The following LRRN3 variants were observed in gnomAD, a reference collection of about 807,000 sequenced individuals.
The protein encoded by LRRN3 is leucine rich repeat neuronal 3.
Under a neutral mutation model 40.1 loss-of-function variants are expected in LRRN3, and 15 were observed. The observed-to-expected ratio is 0.37, with a 90% CI of 0.25 to 0.58. LRRN3 has a LOEUF of 0.58. LRRN3 is among the 20% of genes least tolerant of loss of function. LRRN3 has a pLI of 0.72. For missense variants in LRRN3, 746 were observed against 837.7 expected (o/e 0.89, Z 1.35); for synonymous variants, 308 against 297.2 (o/e 1.04, Z -0.37).
intron 2 of LRRN3, among the ~76,000 whole-genome samples, chr7:111,114,827 A>G (rs1799681691): frequency 6.6e-6 from 1 of 152,164 alleles, no homozygotes; most frequent in African/African-American, 2.4e-5. Context: ...AAATTATATA[A>G]TAATAGAATT....
chr7:111,103,635 TAA>T (rs1413053998), intron 2 of LRRN3, among the ~76,000 whole-genome samples: 2 of 151,776 alleles, frequency 1.3e-5, no homozygotes, highest in African/African-American at 4.8e-5. Flanking sequence ...CCTGTAAGTT[TAA>T]GTTACAGCAA....
At chr7:111,096,329 C>T (rs572742143) in intron 1 of LRRN3, among the ~76,000 whole-genome samples, 10 of 151,918 alleles carry the variant, frequency 6.6e-5, no homozygotes, top group Admixed American at 2.0e-4. Flanking sequence ...TGGTCCCTGG[C>T]ATTTCTGAAG....
intron 1 of LRRN3, among the ~76,000 whole-genome samples, chr7:111,091,850 A>C (rs2129577967): frequency 6.6e-6 from 1 of 152,020 alleles, no homozygotes; most frequent in South Asian, 2.1e-4. Flanking sequence ...GGGAGAGAGA[A>C]GGAGATGGGG....
At chr7:111,106,482 A>G (rs1374825515) in intron 2 of LRRN3, among the ~76,000 whole-genome samples, 1 of 151,808 alleles carries the variant, frequency 6.6e-6, no homozygotes, top group African/African-American at 2.4e-5. Flanking sequence ...AAATAAAATG[A>G]AAAACAGATA....
chr7:111,103,783 T>G (rs568438895), intron 2 of LRRN3, among the ~76,000 whole-genome samples: 2 of 151,770 alleles, frequency 1.3e-5, no homozygotes, highest in South Asian at 2.1e-4. Context: ...TATTTAATTT[T>G]CACAACATTC....
At chr7:111,119,821 A>G (rs1332838541) in intron 2 of LRRN3, among the ~76,000 whole-genome samples, 1 of 152,170 alleles carries the variant, frequency 6.6e-6, no homozygotes, top group Non-Finnish European at 1.5e-5. Flanking sequence ...TGCCTGGTGA[A>G]GGAAAGGATC....
At chr7:111,105,084 C>A (rs1156490891) in intron 2 of LRRN3, among the ~76,000 whole-genome samples, 1 of 151,832 alleles carries the variant, frequency 6.6e-6, no homozygotes, top group Non-Finnish European at 1.5e-5. Context: ...TATTTCCTTA[C>A]TAAAGGTCTC....
At chr7:111,115,187 C>T (rs999031160) in intron 2 of LRRN3, among the ~76,000 whole-genome samples, 2 of 152,102 alleles carry the variant, frequency 1.3e-5, no homozygotes, top group Admixed American at 6.5e-5. Context: ...ACTCCATTGG[C>T]TCTCAAACAA....
In LRRN3 at chr7:111,125,055, G is replaced by A. The variant is rs1801151245; in HGVS notation, c.*156G>A. On this transcript the variant is annotated 3_prime_UTR_variant, in exon 3 of 3. Coordinates refer to ENST00000308478, the MANE Select transcript of LRRN3 (RefSeq NM_001099658.2). ...TTTAAGCTTCACCAATGCTGCTCCT[G>A]ACCAATGGAAATATGTACAACTTCA... 1 of 579,304 alleles carries A rather than the reference G, an allele frequency of 1.7e-6. No individual in the cohort carries two copies. The highest frequency in any genetic ancestry group is 3.6e-5 in the Admixed American group (1 of 27,468). 35.9% of individuals were successfully genotyped at this position (579,304 alleles called of 1,614,324 possible).
chr7:111,120,396 T>C (rs1191425462), intron 2 of LRRN3, among the ~76,000 whole-genome samples: 2 of 152,004 alleles, frequency 1.3e-5, no homozygotes, highest in South Asian at 4.1e-4. Flanking sequence ...ATTTCCCCTA[T>C]AAAAACATCA....
At chr7:111,119,733 C>T (rs1800353398) in intron 2 of LRRN3, among the ~76,000 whole-genome samples, 1 of 152,124 alleles carries the variant, frequency 6.6e-6, no homozygotes, top group African/African-American at 2.4e-5. Context: ...ATTTCTTGAG[C>T]ACATACTACA....
rs1586427645 is a variant in LRRN3, at chr7:111,122,782, A to T, written c.10A>T (p.Met4Leu). The change falls in exon 3 of 3, where the codon ATG becomes TTG. Residue 4 changes from methionine to leucine, a missense_variant. Physicochemically the swap from Met to Leu is conservative, Grantham distance 15. Coordinates refer to ENST00000308478, the MANE Select transcript of LRRN3 (RefSeq NM_001099658.2). ...GAAGAAGAAAGCTAAGATGAAGGAC[A>T]TGCCACTCCGAATTCATGTGCTACT... MKD[M>L]PLRIHVLLGL... 6.2e-7 allele frequency: 1 copy of T among 1,612,238 alleles called. No individual in the cohort carries two copies. The highest frequency in any genetic ancestry group is 2.2e-5 in the East Asian group (1 of 44,842).
At chr7:111,114,203 T>C (rs991185017) in intron 2 of LRRN3, among the ~76,000 whole-genome samples, 7 of 151,992 alleles carry the variant, frequency 4.6e-5, no homozygotes, top group African/African-American at 9.7e-5. Flanking sequence ...CAAGTGTATA[T>C]AAATTACTCC....
intron 2 of LRRN3, among the ~76,000 whole-genome samples, chr7:111,107,367 A>G (rs1442441921): frequency 6.6e-6 from 1 of 152,050 alleles, no homozygotes; most frequent in African/African-American, 2.4e-5. Context: ...TCTGTTGTAA[A>G]CAGTTTAGAT....
At chr7:111,094,354 T>C (rs556394385) in intron 1 of LRRN3, among the ~76,000 whole-genome samples, 2 of 152,206 alleles carry the variant, frequency 1.3e-5, no homozygotes, top group South Asian at 4.1e-4. Flanking sequence ...AAAAGAAAGC[T>C]AATAGTAGAC....
chr7:111,103,685 T>A (rs1586285242), intron 2 of LRRN3, among the ~76,000 whole-genome samples: 1 of 151,754 alleles, frequency 6.6e-6, no homozygotes, highest in East Asian at 1.9e-4. Context: ...GACTTCTTAA[T>A]ATGATAGTGA....
chr7:111,098,807 G>A (rs1448961441), intron 1 of LRRN3, among the ~76,000 whole-genome samples: 2 of 151,706 alleles, frequency 1.3e-5, no homozygotes, highest in South Asian at 2.1e-4. Context: ...TAGTTAGCTC[G>A]AAAGAACAAG....
chr7:111,105,737 A>C (rs214885), intron 2 of LRRN3, among the ~76,000 whole-genome samples: 136,590 of 151,702 alleles, frequency 0.9, 61,561 homozygotes, highest in East Asian at 0.93. Flanking sequence ...ATGTGTACTA[A>C]CAATTTATGC....
rs1797789041 is a variant in LRRN3, at chr7:111,099,905, A to G, written c.-416A>G. On this transcript the variant is annotated 5_prime_UTR_variant, in exon 2 of 3. Coordinates refer to ENST00000308478, the MANE Select transcript of LRRN3 (RefSeq NM_001099658.2). ...GACGAGGAAGAGGAGGAGAAAGAGA[A>G]AGAAGAGGAAGATGTTGGGCAACAT... The G allele has an allele frequency of 6.6e-6, 1 of 151,636 alleles. No homozygotes were observed. Among genetic ancestry groups the G allele is most frequent in the Non-Finnish European group, 1.5e-5 (1 of 67,760 alleles). The allele number at this position is 151,636 out of a possible 1,614,324, so 9.4% of individuals were successfully genotyped here.
Sources: allele counts gnomAD v4.1 joint callset (sites outside exome capture counted in the v4.1 genomes callset), GRCh38; gene constraint gnomAD v4.1.1; transcripts MANE v1.5; gene names NCBI Gene and HGNC (gene_info 2026-07-23, HGNC 2026-07-21).